The following CHSY3 variants were observed in gnomAD, a reference collection of about 807,000 sequenced individuals.
The protein encoded by CHSY3 is chondroitin sulfate synthase 3, also known as N-acetylgalactosaminyl-proteoglycan 3-beta-glucuronosyltransferase 3.
CHSY3 carries 35 observed loss-of-function variants against 67.2 expected under a neutral mutation model. The ratio of observed to expected loss-of-function variants is 0.52; its 90% CI spans 0.40 to 0.69. The LOEUF (loss-of-function observed/expected upper bound fraction) is 0.69. Ranked by LOEUF, CHSY3 falls within the 30% of genes least tolerant of loss-of-function variation. The pLI is 0.00. For synonymous variants in CHSY3, 474 were observed against 434.7 expected (o/e 1.09, Z -1.12); for missense variants, 1,069 against 1,138.5 (o/e 0.94, Z 0.88).
intron 2 of CHSY3, among the ~76,000 whole-genome samples, chr5:130,108,993 A>G (rs1363999993): frequency 6.6e-6 from 1 of 151,758 alleles, no homozygotes; most frequent in Non-Finnish European, 1.5e-5. Flanking sequence ...CTATGAAGAC[A>G]TATGAAGCCC....
chr5:130,141,559 G>A (rs1451042346), intron 2 of CHSY3: 3 of 416,900 alleles, frequency 7.2e-6, no homozygotes, highest in Admixed American at 5.4e-5. Flanking sequence ...GAGCAAGGAA[G>A]ACATTGAATG....
At position 129,908,492 on chromosome 5, in the gene CHSY3, G is replaced by A. The variant is rs1231006109; in HGVS notation, c.1086+132G>A. On this transcript the variant is annotated intron_variant, in intron 2 of 2. Coordinates refer to ENST00000305031, the MANE Select transcript of CHSY3 (RefSeq NM_175856.5). ...GAAAGTGATAGTAGCAGCCCTTAAG[G>A]GATACAAGAGTGGGAGATAACTTTC... The A allele has an allele frequency of 2.1e-5, 28 of 1,344,844 alleles. No homozygotes were observed. In the South Asian group the frequency reaches 3.8e-4, roughly 18 times the overall value. The allele number at this position is 1,344,844 out of a possible 1,614,324, so 83.3% of individuals were successfully genotyped here. A position where few individuals can be genotyped will look rare whatever the true frequency, so the allele number is the denominator to read the frequency against.
intron 2 of CHSY3, among the ~76,000 whole-genome samples, chr5:129,950,944 A>G (rs1762005871): frequency 6.6e-6 from 1 of 152,232 alleles, no homozygotes; most frequent in East Asian, 1.9e-4. Context: ...TGAATAGCTA[A>G]AACACAAGAA....
At chr5:130,143,587 G>A (rs1383047411) in intron 2 of CHSY3, among the ~76,000 whole-genome samples, 1 of 150,810 alleles carries the variant, frequency 6.6e-6, no homozygotes, top group Non-Finnish European at 1.5e-5. Flanking sequence ...CTAATTCAGG[G>A]TTATTGCTAC....
chr5:129,971,349 G>C (rs1422986621), intron 2 of CHSY3, among the ~76,000 whole-genome samples: 1 of 151,386 alleles, frequency 6.6e-6, no homozygotes, highest in African/African-American at 2.4e-5. Context: ...ATAAATATGA[G>C]GTTGGTTTCT....
intron 2 of CHSY3, among the ~76,000 whole-genome samples, chr5:130,095,401 A>G (rs950694939): frequency 2.0e-5 from 3 of 152,212 alleles, no homozygotes; most frequent in African/African-American, 7.2e-5. Context: ...GGTGCTAAAC[A>G]TAAGGGAACC....
chr5:130,143,494 C>T (rs1044140452), intron 2 of CHSY3, among the ~76,000 whole-genome samples: 9 of 151,618 alleles, frequency 5.9e-5, no homozygotes, highest in African/African-American at 2.2e-4. Flanking sequence ...TTGCCAGAGT[C>T]ATCTGTGTTG....
chr5:130,122,501 G>A (rs1186602384), intron 2 of CHSY3, among the ~76,000 whole-genome samples: 1 of 152,174 alleles, frequency 6.6e-6, no homozygotes, highest in Admixed American at 6.5e-5. Flanking sequence ...CTAACAGCCT[G>A]TGGCAAGTAG....
chr5:130,015,328 G>C (rs910441004), intron 2 of CHSY3, among the ~76,000 whole-genome samples: 2 of 152,070 alleles, frequency 1.3e-5, no homozygotes, highest in African/African-American at 4.8e-5. Context: ...AAATTACCCA[G>C]TATCAGGTAT....
chr5:129,976,876 A>G (rs1762824395), intron 2 of CHSY3, among the ~76,000 whole-genome samples: 1 of 150,680 alleles, frequency 6.6e-6, no homozygotes, highest in African/African-American at 2.4e-5. Context: ...CTTTGTTAAG[A>G]CAAAGCAACC....
Position 130,185,117 on chromosome 5 carries a change from T to C in CHSY3, c.1975T>C (p.Phe659Leu). 1 of 1,596,596 alleles carries C rather than the reference T, an allele frequency of 6.3e-7. No homozygotes were observed. Among genetic ancestry groups the C allele is most frequent in the Non-Finnish European group, 8.6e-7 (1 of 1,164,080 alleles). The change falls in exon 3 of 3, where the codon TTC becomes CTC. Residue 659 changes from phenylalanine (F) to leucine (L), a missense_variant. Transcript: ENST00000305031. ...KQNVKLVIIL[F>L]SRDSGQDSSK... is the part of the protein sequence containing the mutation. ...GAATGTAAAGTTGGTCATTATCCTT[T>C]TCAGTAGGGATTCTGGCCAAGACTC...
In CHSY3 at chr5:129,952,138, ACT is replaced by A. The variant is rs145626008; in HGVS notation, c.1086+43779_1086+43780del. 4.1e-3 allele frequency among the ~76,000 whole-genome samples: 625 copies of A among 152,318 alleles called. 4 individuals are homozygous for A. The highest frequency in any genetic ancestry group is 0.014 in the African/African-American group (593 of 41,592). On this transcript the variant is annotated intron_variant, in intron 2 of 2. Transcript: ENST00000305031. ...TGAGAGGTTTTAAGGCAGTCAAGAGACTGATGTTGGAGGAAGAGTGGAGCCTC... is the reference window on the plus strand; with the variant it reads ...TGAGAGGTTTTAAGGCAGTCAAGAGAGATGTTGGAGGAAGAGTGGAGCCTC...
At chr5:129,929,324 AAT>A (rs1302364924) in intron 2 of CHSY3, among the ~76,000 whole-genome samples, 1 of 152,246 alleles carries the variant, frequency 6.6e-6, no homozygotes, top group Non-Finnish European at 1.5e-5. Context: ...AATATGTAAG[AAT>A]AAAGTTTTCA....
chr5:130,137,350 A>G (rs1380387490), intron 2 of CHSY3, among the ~76,000 whole-genome samples: 1 of 152,140 alleles, frequency 6.6e-6, no homozygotes, highest in Non-Finnish European at 1.5e-5. Context: ...CTGGTATGTG[A>G]AGATTATTAT....
chr5:130,110,650 G>A (rs1767564652), intron 2 of CHSY3, among the ~76,000 whole-genome samples: 1 of 151,900 alleles, frequency 6.6e-6, no homozygotes, highest in East Asian at 1.9e-4. Context: ...TTCTAACTTA[G>A]ATGAAAACTA....
At chr5:130,073,523 C>T (rs1020435292) in intron 2 of CHSY3, among the ~76,000 whole-genome samples, 3 of 151,682 alleles carry the variant, frequency 2.0e-5, no homozygotes, top group African/African-American at 7.3e-5. Context: ...CCCGCCCCAG[C>T]TGGATCAAAA....
chr5:129,997,248 A>G (rs1428329861), intron 2 of CHSY3, among the ~76,000 whole-genome samples: 1 of 152,212 alleles, frequency 6.6e-6, no homozygotes, highest in African/African-American at 2.4e-5. Context: ...AATATATGCC[A>G]TATACATGAC....
chr5:130,058,808 G>C (rs535528374), intron 2 of CHSY3, among the ~76,000 whole-genome samples: 2 of 152,196 alleles, frequency 1.3e-5, no homozygotes, highest in African/African-American at 4.8e-5. Context: ...CAAGGTGTCA[G>C]CAGGGCTGTA....
intron 2 of CHSY3, among the ~76,000 whole-genome samples, chr5:130,159,939 AT>A (rs558954281): frequency 1.1e-4 from 17 of 151,272 alleles, no homozygotes; most frequent in African/African-American, 2.2e-4. Flanking sequence ...TAATAGTAGC[AT>A]TTTTTTTTGA....
Sources: gnomAD v4.1 joint callset for allele counts (sites outside exome capture counted in the v4.1 genomes callset) on GRCh38, gnomAD v4.1.1 for gene constraint, MANE v1.5 for transcripts, NCBI Gene and HGNC (gene_info 2026-07-23, HGNC 2026-07-21) for gene names.